FANCL: variants seen among roughly 807,000 people sequenced by gnomAD.
FANCL encodes FA complementation group L.
Under a neutral mutation model 59.4 loss-of-function variants are expected in FANCL, and 69 were observed. The ratio of observed to expected loss-of-function variants is 1.16; its 90% confidence interval spans 0.96 to 1.42. The LOEUF (loss-of-function observed/expected upper bound fraction) is 1.42, where lower values mean the gene tolerates loss of function less well. FANCL is among the 40% of genes most tolerant of loss of function. The pLI is 0.00. For synonymous variants in FANCL, 180 were observed against 147.1 expected (o/e 1.22, Z -1.62); for missense variants, 519 against 447.2 (o/e 1.16, Z -1.45).
intron 5 of FANCL, chr2:58,213,569 C>T (rs928871471): frequency 6.6e-6 from 1 of 152,008 alleles, no homozygotes; most frequent in East Asian, 1.9e-4. Flanking sequence ...GCAGCTAAAT[C>T]GAAAGTCATT....
intron 2 of FANCL, 102 bp from the exon 3 acceptor site, chr2:58,229,976 C>T (rs919856405): frequency 3.6e-6 from 3 of 829,732 alleles, no homozygotes; most frequent in African/African-American, 3.4e-5. Context: ...GAATGACAAA[C>T]ATAATTTGGA....
rs377648081 is a variant in FANCL at position 58,229,824 on chromosome 2, A to G, written c.206T>C (p.Ile69Thr). 6.2e-7 allele frequency: 1 copy of G among 1,608,996 alleles called. No individual in the cohort carries two copies. Among genetic ancestry groups the G allele is most frequent in the African/African-American group, 1.3e-5 (1 of 74,806 alleles). ...TTAAAAAGGACTTACCTGTTGTACT[A>G]TTCGATGGTATCCACTAAGTATTGT... The part of the protein sequence containing the change: ...LRTILSGYHR[I>T]VQQRMQHSPD... Residue 69 changes from isoleucine to threonine, a missense_variant, in exon 3 of 14, where the codon ATA becomes ACA. Ile to Thr is a moderately conservative substitution (Grantham distance 89). Coordinates refer to ENST00000233741, the MANE Select transcript of FANCL (RefSeq NM_018062.4).
At chr2:58,228,619 G>T (rs772150996) in intron 3 of FANCL, among the ~76,000 whole-genome samples, 1 of 152,152 alleles carries the variant, frequency 6.6e-6, no homozygotes, top group Non-Finnish European at 1.5e-5. Flanking sequence ...TACTAAGCCA[G>T]AAAAACTTAT....
intron 7 of FANCL, among the ~76,000 whole-genome samples, chr2:58,175,499 T>A (rs1235017656): frequency 2.0e-5 from 3 of 152,012 alleles, no homozygotes; most frequent in African/African-American, 7.3e-5. Flanking sequence ...TCAATAAATG[T>A]AATCCAGCAC....
At position 58,186,443 on chromosome 2, in the gene FANCL, G is replaced by C. The variant is rs567708975; in HGVS notation, c.540+12151C>G. On this transcript the variant is annotated intron_variant, in intron 7 of 13. Transcript: ENST00000233741. ...TGTATGGGGAAAATTTATTGGAAGT[G>C]AACTCAGGGAACGAAGAGTGGGGAC... is the stretch of plus-strand genomic sequence containing the variant. Among the ~76,000 whole-genome samples, 6 of 152,288 alleles carry C rather than the reference G, an allele frequency of 3.9e-5. No homozygotes were observed. The East Asian group carries it at 1.2e-3, about 29-fold the overall frequency.
At chr2:58,205,627 T>C (rs998413785) in intron 5 of FANCL, among the ~76,000 whole-genome samples, 1 of 151,968 alleles carries the variant, frequency 6.6e-6, no homozygotes, top group Non-Finnish European at 1.5e-5. Context: ...AAACCTACAG[T>C]TACAAAAAAA....
chr2:58,223,182 G>C (rs1390767634), intron 4 of FANCL, among the ~76,000 whole-genome samples: 8 of 150,532 alleles, frequency 5.3e-5, no homozygotes, highest in African/African-American at 1.9e-4. Flanking sequence ...GTACAGCTGA[G>C]AATATCAATA....
At chr2:58,175,438 G>C (rs559974919) in intron 7 of FANCL, among the ~76,000 whole-genome samples, 1 of 151,322 alleles carries the variant, frequency 6.6e-6, no homozygotes, top group African/African-American at 2.5e-5. Context: ...TATCCACCAT[G>C]ATCAAGTGGG....
intron 11 of FANCL, among the ~76,000 whole-genome samples, chr2:58,162,420 C>T (rs1007493781): frequency 6.6e-6 from 1 of 151,894 alleles, no homozygotes; most frequent in Non-Finnish European, 1.5e-5. Flanking sequence ...GACGTCACTA[C>T]TGAAGACCAT....
chr2:58,175,372 G>A (rs1472443655), intron 7 of FANCL, among the ~76,000 whole-genome samples: 2 of 150,048 alleles, frequency 1.3e-5, no homozygotes, highest in Non-Finnish European at 2.9e-5. Context: ...GAACATTGAT[G>A]CAAAAATCCT....
chr2:58,211,875 A>G (rs894365017), intron 5 of FANCL, among the ~76,000 whole-genome samples: 1 of 150,998 alleles, frequency 6.6e-6, no homozygotes, highest in East Asian at 1.9e-4. Flanking sequence ...CTTACTGTCC[A>G]TATCACCATC....
chr2:58,193,535 A>G (rs775066921), intron 7 of FANCL, among the ~76,000 whole-genome samples: 1 of 152,136 alleles, frequency 6.6e-6, no homozygotes, highest in African/African-American at 2.4e-5. Flanking sequence ...CATAATCTCA[A>G]TAATAAATTT....
chr2:58,199,909 T>C (rs1250311606), intron 6 of FANCL, among the ~76,000 whole-genome samples: 1 of 151,988 alleles, frequency 6.6e-6, no homozygotes, highest in East Asian at 1.9e-4. Flanking sequence ...AAGAAAAAAA[T>C]CACTACAGTA....
intron 5 of FANCL, 27 bp from the exon 6 acceptor site, chr2:58,204,253 G>C: frequency 6.5e-7 from 1 of 1,543,504 alleles, no homozygotes; most frequent in East Asian, 2.2e-5. Context: ...AATAAAAAAT[G>C]ATCACACCGG....
In FANCL at chr2:58,190,224, C is replaced by T. The variant is rs139861630; in HGVS notation, c.540+8370G>A. Among the ~76,000 whole-genome samples the T allele has an allele frequency of 5.1e-3, 771 of 152,030 alleles. 9 individuals carry two copies. Among genetic ancestry groups the T allele is most frequent in the African/African-American group, 0.017 (718 of 41,530 alleles). ...CTCTTCTATACTTAAGTTATTTTGACTATAACTGATCACTGATCACCCATC... is the reference window on the plus strand; with the variant it reads ...CTCTTCTATACTTAAGTTATTTTGATTATAACTGATCACTGATCACCCATC... On this transcript the variant is annotated intron_variant, in intron 7 of 13. Coordinates refer to ENST00000233741, the MANE Select transcript of FANCL (RefSeq NM_018062.4).
At chr2:58,232,841 C>T (rs999417141) in intron 1 of FANCL, among the ~76,000 whole-genome samples, 3 of 151,858 alleles carry the variant, frequency 2.0e-5, no homozygotes, top group Admixed American at 1.3e-4. Flanking sequence ...ACACAGGAAA[C>T]TTGAGCAAAA....
At chr2:58,192,178 TGA>T (rs1688989115) in intron 7 of FANCL, among the ~76,000 whole-genome samples, 1 of 151,958 alleles carries the variant, frequency 6.6e-6, no homozygotes, top group South Asian at 2.1e-4. Flanking sequence ...TTTAAATTCA[TGA>T]GAGAGCTTTG....
chr2:58,196,422 C>T (rs1380481409), intron 7 of FANCL, among the ~76,000 whole-genome samples: 1 of 151,954 alleles, frequency 6.6e-6, no homozygotes, highest in East Asian at 1.9e-4. Context: ...CTTAGAATTT[C>T]AGTATATTCC....
chr2:58,172,056 C>T (rs1156259574), intron 7 of FANCL, among the ~76,000 whole-genome samples: 3 of 152,236 alleles, frequency 2.0e-5, no homozygotes, highest in Non-Finnish European at 4.4e-5. Flanking sequence ...GAGGGGCGCC[C>T]GCCATTGCCC....
Sources: allele counts gnomAD v4.1 joint callset (sites outside exome capture counted in the v4.1 genomes callset), GRCh38; gene constraint gnomAD v4.1.1; transcripts MANE v1.5; gene names NCBI Gene and HGNC (gene_info 2026-07-23, HGNC 2026-07-21).